The following SH3RF3 variants were observed in gnomAD, a reference collection of about 807,000 sequenced individuals.
SH3RF3 encodes the protein SH3 domain containing ring finger 3, also known as E3 ubiquitin-protein ligase SH3RF3.
A neutral mutation model predicts 66.3 loss-of-function variants in SH3RF3; 29 were observed. The ratio of observed to expected loss-of-function variants is 0.44; its 90% CI spans 0.33 to 0.60. The LOEUF is 0.60. SH3RF3 is among the 20% of genes least tolerant of loss of function. The pLI is 0.04. For missense variants in SH3RF3, 1,194 were observed against 1,190.9 expected (o/e 1.00, Z -0.04); for synonymous variants, 583 against 532.0 (o/e 1.10, Z -1.32).
chr2:109,185,314 T>G (rs1403028040), intron 1 of SH3RF3, among the ~76,000 whole-genome samples: 2 of 152,220 alleles, frequency 1.3e-5, no homozygotes, highest in Non-Finnish European at 2.9e-5. Context: ...GAGCTCAGTG[T>G]GTTTGCATAT....
In SH3RF3 at chr2:109,326,363, T is replaced by C. The variant is rs147151291; in HGVS notation, c.574-21311T>C. Among the ~76,000 whole-genome samples, 870 of 152,316 alleles carry C rather than the reference T, an allele frequency of 5.7e-3. 9 individuals carry two copies. The highest frequency in any genetic ancestry group is 0.02 in the African/African-American group (832 of 41,564). On this transcript the variant is annotated intron_variant, in intron 1 of 9. Transcript: ENST00000309415. Reference sequence around the variant, plus strand: ...GGTATTTCAGTTGTTGTTGTTCTTTTTTTTTAATGTTCATGTAGAAGTACA... The same window carrying C: ...GGTATTTCAGTTGTTGTTGTTCTTTCTTTTTAATGTTCATGTAGAAGTACA...
intron 1 of SH3RF3, among the ~76,000 whole-genome samples, chr2:109,137,698 G>T (rs570641218): frequency 1.1e-4 from 16 of 152,316 alleles, no homozygotes; most frequent in African/African-American, 3.8e-4. Context: ...GGAGGCTTAG[G>T]CACATTTCAG....
intron 1 of SH3RF3, among the ~76,000 whole-genome samples, chr2:109,332,169 C>T: frequency 6.6e-6 from 1 of 152,164 alleles, no homozygotes; most frequent in East Asian, 1.9e-4. Flanking sequence ...GAGAGGGAAG[C>T]ATCTGCGGCC....
intron 1 of SH3RF3, among the ~76,000 whole-genome samples, chr2:109,286,702 G>A (rs1043725799): frequency 2.0e-5 from 3 of 152,172 alleles, no homozygotes; most frequent in African/African-American, 4.8e-5. Flanking sequence ...AGCAAAACCT[G>A]CTTTGAGCTA....
intron 1 of SH3RF3, among the ~76,000 whole-genome samples, chr2:109,283,189 C>T (rs527743107): frequency 1.3e-5 from 2 of 152,306 alleles, no homozygotes; most frequent in East Asian, 3.9e-4. Flanking sequence ...GTGCCTGGAG[C>T]ATGCCTCTGT....
At chr2:109,167,912 G>A (rs1677668106) in intron 1 of SH3RF3, among the ~76,000 whole-genome samples, 1 of 152,158 alleles carries the variant, frequency 6.6e-6, no homozygotes, top group African/African-American at 2.4e-5. Context: ...GCTTCATCAG[G>A]TAAGGAGCTA....
intron 5 of SH3RF3, among the ~76,000 whole-genome samples, chr2:109,430,915 G>A (rs944813013): frequency 6.6e-6 from 1 of 152,284 alleles, no homozygotes; most frequent in East Asian, 1.9e-4. Flanking sequence ...AGGGCATGAG[G>A]GACACCTATC....
At chr2:109,162,634 C>T (rs1376191980) in intron 1 of SH3RF3, among the ~76,000 whole-genome samples, 2 of 152,164 alleles carry the variant, frequency 1.3e-5, no homozygotes, top group Non-Finnish European at 2.9e-5. Flanking sequence ...CATTGTTGGA[C>T]ATTTGGGTTG....
intron 8 of SH3RF3, among the ~76,000 whole-genome samples, chr2:109,483,334 C>T (rs1470531102): frequency 6.6e-6 from 1 of 152,236 alleles, no homozygotes; most frequent in Non-Finnish European, 1.5e-5. Context: ...CTGCAAGCCC[C>T]AGTGGTGCCT....
chr2:109,396,622 G>C (rs1397096874), intron 3 of SH3RF3, among the ~76,000 whole-genome samples: 3 of 152,200 alleles, frequency 2.0e-5, no homozygotes, highest in Admixed American at 1.3e-4. Flanking sequence ...TTCTGAATCT[G>C]GGTGAGACCT....
chr2:109,493,298 G>A (rs1025228652), intron 9 of SH3RF3, among the ~76,000 whole-genome samples: 38,197 of 139,660 alleles, frequency 0.27, 5,131 homozygotes, highest in East Asian at 0.52. Flanking sequence ...CACACACCAT[G>A]CACACCATGC....
At chr2:109,432,285 A>T (rs992036117) in intron 5 of SH3RF3, among the ~76,000 whole-genome samples, 9 of 152,292 alleles carry the variant, frequency 5.9e-5, no homozygotes, top group African/African-American at 1.7e-4. Context: ...CCTCCCCTGC[A>T]GGCAGCTCCC....
intron 5 of SH3RF3, among the ~76,000 whole-genome samples, chr2:109,425,236 GT>G (rs1316055022): frequency 6.6e-6 from 1 of 152,252 alleles, no homozygotes; most frequent in Admixed American, 6.5e-5. Flanking sequence ...GCAGAGGTTG[GT>G]TCGTGAGGTT....
At chr2:109,222,870 G>A (rs201718391) in intron 1 of SH3RF3, among the ~76,000 whole-genome samples, 271 of 152,344 alleles carry the variant, frequency 1.8e-3, no homozygotes, top group African/African-American at 6.2e-3. Context: ...TGACCACATG[G>A]CATCCCCAAG....
At chr2:109,170,250 TTCTCTTCTCTTCTCTTCTCTTCTCTTCTC>T (rs1677734474) in intron 1 of SH3RF3, among the ~76,000 whole-genome samples, 82 of 6,396 alleles carry the variant, frequency 0.013, no homozygotes, top group African/African-American at 0.034. Context: ...TTCTTTTCTC[TTCTCTTCTCTTCTCTTCTCTTCTCTTCTC>T]TTCTCTTCTC....
intron 7 of SH3RF3, among the ~76,000 whole-genome samples, chr2:109,442,786 G>A (rs931531395): frequency 1.6e-4 from 24 of 152,112 alleles, no homozygotes; most frequent in Non-Finnish European, 4.4e-5. Context: ...ATTAACAGAA[G>A]GGAAAAGAAA....
At chr2:109,396,304 G>A (rs1444639174) in intron 3 of SH3RF3, among the ~76,000 whole-genome samples, 3 of 152,184 alleles carry the variant, frequency 2.0e-5, no homozygotes, top group African/African-American at 7.2e-5. Flanking sequence ...AGCCTGGTTG[G>A]AGGAAACATT....
intron 5 of SH3RF3, among the ~76,000 whole-genome samples, chr2:109,427,850 A>G (rs1314623313): frequency 6.6e-6 from 1 of 152,232 alleles, no homozygotes; most frequent in East Asian, 1.9e-4. Flanking sequence ...CCCTCAGGGA[A>G]GAGGCGAAGG....
At chr2:109,186,320 T>G (rs1558946336) in intron 1 of SH3RF3, among the ~76,000 whole-genome samples, 2 of 152,224 alleles carry the variant, frequency 1.3e-5, no homozygotes, top group Non-Finnish European at 2.9e-5. Flanking sequence ...ACTGCCATTA[T>G]CCCCATCCTG....
Sources: allele counts gnomAD v4.1 joint callset (sites outside exome capture counted in the v4.1 genomes callset), GRCh38; gene constraint gnomAD v4.1.1; transcripts MANE v1.5; gene names NCBI Gene and HGNC (gene_info 2026-07-23, HGNC 2026-07-21).